The following EPHA10 variants were observed in gnomAD, a reference collection of about 807,000 sequenced individuals.
EPHA10 encodes ephrin type-A receptor 10.
A neutral mutation model predicts 109.7 loss-of-function variants in EPHA10; 120 were observed. The observed-to-expected ratio is 1.09, with a 90% CI of 0.94 to 1.27. The LOEUF (loss-of-function observed/expected upper bound fraction) is 1.27. Ranked by LOEUF, EPHA10 falls within the 50% of genes most tolerant of loss-of-function variation. EPHA10 has a pLI of 0.00. For synonymous variants in EPHA10, 640 were observed against 618.9 expected (o/e 1.03, Z -0.51); for missense variants, 1,396 against 1,411.1 (o/e 0.99, Z 0.17).
Position 37,730,880 on chromosome 1 carries a change from A to AG in EPHA10, c.1663+530dup, listed in dbSNP as rs1031441762. On this transcript the variant is annotated intron_variant, in intron 7 of 16. Coordinates refer to ENST00000373048, the MANE Select transcript of EPHA10 (RefSeq NM_001099439.2). ...CTGATTTTTGTATTTTTAGTAGAGA[A>AG]GGAGTTTCACCATGTTGGCCAGGCT... 8.0e-4 allele frequency among the ~76,000 whole-genome samples: 122 copies of AG among 151,872 alleles called. 1 individual carries two copies. Among genetic ancestry groups the AG allele is most frequent in the African/African-American group, 2.8e-3 (116 of 41,426 alleles).
intron 7 of EPHA10, among the ~76,000 whole-genome samples, chr1:37,729,922 A>C (rs909306430): frequency 4.0e-5 from 6 of 151,730 alleles, no homozygotes; most frequent in African/African-American, 1.5e-4. Context: ...GGGAAACCAC[A>C]CTCTGCAGAT....
rs925637672 is a variant in EPHA10, at chr1:37,740,367, G to A, written c.1358-4977C>T. 5.3e-5 allele frequency among the ~76,000 whole-genome samples: 8 copies of A among 152,078 alleles called. No homozygotes were observed. The East Asian group carries it at 9.7e-4, about 18-fold the overall frequency. On this transcript the variant is annotated intron_variant, in intron 5 of 16. Transcript: ENST00000373048. ...GTCACCCAGGCTGGAGAGCAGGGGC[G>A]GGATCTCGGCTCACTGCAAGCTCCA...
intron 6 of EPHA10, among the ~76,000 whole-genome samples, chr1:37,731,820 C>T (rs1212193294): frequency 6.6e-6 from 1 of 152,250 alleles, no homozygotes; most frequent in African/African-American, 2.4e-5. Flanking sequence ...GAGAATAGCA[C>T]CACCTCTGCA....
Position 37,754,278 on chromosome 1 carries a change from A to G in EPHA10, c.943T>C (p.Phe315Leu). 1 of 1,318,734 alleles carries G rather than the reference A, an allele frequency of 7.6e-7. No homozygotes were observed. The highest frequency in any genetic ancestry group is 9.7e-7 in the Non-Finnish European group (1 of 1,028,282). The allele number at this position is 1,318,734 out of a possible 1,614,324, so 81.7% of individuals were successfully genotyped here. A position where few individuals can be genotyped will look rare whatever the true frequency, so the allele number is the denominator to read the frequency against. The change falls in exon 4 of 17, where the codon TTC becomes CTC. Residue 315 changes from phenylalanine to leucine, a missense_variant. Phe to Leu is a conservative substitution (Grantham distance 22). Transcript: ENST00000373048. The surrounding 1 kb of genome is among the most constrained non-coding windows in gnomAD (Gnocchi z 4.5). ...GCATAGCTGTCCTGGCACACGCAGA[A>G]GGTGGAGGCGTTTTCCAGGGCCCGG... ...HSRALENAST[F>L]CVCQDSYARS...
intron 3 of EPHA10, among the ~76,000 whole-genome samples, chr1:37,759,485 T>G (rs1229188283): frequency 2.6e-5 from 4 of 152,228 alleles, no homozygotes. Context: ...CTCCCTTCCA[T>G]GCTTCCTTAG....
At chr1:37,756,226 G>A (rs1001229353) in intron 3 of EPHA10, among the ~76,000 whole-genome samples, 2 of 152,094 alleles carry the variant, frequency 1.3e-5, no homozygotes, top group African/African-American at 4.8e-5. Flanking sequence ...GTGCCTCTCT[G>A]GCCTCAAAAA....
In EPHA10 at chr1:37,765,085, T is replaced by C; in HGVS notation, c.-19A>G. On this transcript the variant is annotated 5_prime_UTR_variant, in exon 1 of 17. Coordinates refer to ENST00000373048, the MANE Select transcript of EPHA10 (RefSeq NM_001099439.2). ...TCTCCATGGTCCGCAGACCGAGCTG[T>C]CAGTCCGGCGGCGGCTCAAGCCGCG... 6.4e-7 allele frequency: 1 copy of C among 1,573,302 alleles called. No homozygotes were observed. The highest frequency in any genetic ancestry group is 8.6e-7 in the Non-Finnish European group (1 of 1,163,818).
In EPHA10 at chr1:37,735,406, G is replaced by A. The variant is rs1646053353; in HGVS notation, c.1358-16C>T. On this transcript the variant is annotated splice_polypyrimidine_tract_variant and intron_variant, in intron 5 of 16. Transcript: ENST00000373048. ...TCCCAGGGCGCTGAAAGTAAGTTAC[G>A]TGGGATTCTCCACCTTGACCCACCT... 5 of 1,577,496 alleles carry A rather than the reference G, an allele frequency of 3.2e-6. No homozygotes were observed. Among genetic ancestry groups the A allele is most frequent in the Non-Finnish European group, 4.3e-6 (5 of 1,161,556 alleles).
intron 6 of EPHA10, 49 bp downstream of exon 6, chr1:37,735,208 C>T (rs923834836): frequency 2.6e-6 from 4 of 1,553,474 alleles, no homozygotes; most frequent in East Asian, 4.9e-5. Flanking sequence ...AGAAGCCCTG[C>T]GGGACAGGTG....
chr1:37,728,158 G>A (rs1645924846), intron 7 of EPHA10, among the ~76,000 whole-genome samples: 2 of 152,206 alleles, frequency 1.3e-5, no homozygotes, highest in Admixed American at 6.5e-5. Flanking sequence ...TGCACACACT[G>A]GGTCTGAAAA....
At chr1:37,719,628 G>A (rs748392542) in intron 14 of EPHA10, 21 bp from the exon 15 acceptor site, 10 of 1,611,466 alleles carry the variant, frequency 6.2e-6, no homozygotes, top group Non-Finnish European at 8.5e-6. Flanking sequence ...GGGGTGGGGA[G>A]CAGAGAGGAG....
intron 5 of EPHA10, among the ~76,000 whole-genome samples, chr1:37,736,476 CAAAAAAAAAA>C (rs543417433): frequency 1.4e-4 from 8 of 57,840 alleles, no homozygotes; most frequent in African/African-American, 3.8e-4. Flanking sequence ...AATTCTGTCT[CAAAAAAAAAA>C]AAAAAAAAAA....
rs561131084 is a variant in EPHA10 at position 37,735,031 on chromosome 1, G to A, written c.1491+226C>T. On this transcript the variant is annotated intron_variant, in intron 6 of 16. Transcript: ENST00000373048. ...GTCAACCGAAACACTAGGTGACATG[G>A]GGACAATGGAGATGGTTGGTGTTGG... Among the ~76,000 whole-genome samples, 4 of 152,302 alleles carry A rather than the reference G, an allele frequency of 2.6e-5. No homozygotes were observed. In the East Asian group the frequency reaches 7.7e-4, roughly 29 times the overall value.
intron 5 of EPHA10, among the ~76,000 whole-genome samples, chr1:37,750,604 T>C (rs1033217206): frequency 6.6e-6 from 1 of 151,078 alleles, no homozygotes; most frequent in Non-Finnish European, 1.5e-5. Flanking sequence ...TTAAGAGACA[T>C]AGTCTGGCTC....
At chr1:37,743,840 G>A (rs899211677) in intron 5 of EPHA10, among the ~76,000 whole-genome samples, 2 of 152,106 alleles carry the variant, frequency 1.3e-5, no homozygotes, top group African/African-American at 4.8e-5. Flanking sequence ...CTTATAATAA[G>A]CCCAATGGGA....
In EPHA10 at chr1:37,723,211, T is replaced by C. The variant is rs765845380; in HGVS notation, c.1835-45A>G. 1.1e-5 allele frequency: 18 copies of C among 1,605,952 alleles called. No individual in the cohort carries two copies. In the East Asian group the frequency reaches 2.2e-4, roughly 20 times the overall value. Reference sequence around the variant, plus strand: ...GCCTGAGGAATGGGGCCTCCACCACTGGGGCTGACAAGCGGGCTCATGCAG... The same window carrying C: ...GCCTGAGGAATGGGGCCTCCACCACCGGGGCTGACAAGCGGGCTCATGCAG... On this transcript the variant is annotated intron_variant, in intron 9 of 16. Transcript: ENST00000373048.
chr1:37,719,731 GACAC>G, intron 14 of EPHA10, 124 bp from the exon 15 acceptor site: 29 of 1,341,214 alleles, frequency 2.2e-5, no homozygotes, highest in South Asian at 2.6e-5. Flanking sequence ...CACAGACACA[GACAC>G]ACACACACAC....
intron 5 of EPHA10, among the ~76,000 whole-genome samples, chr1:37,741,061 C>A (rs1388476764): frequency 1.3e-5 from 2 of 152,138 alleles, no homozygotes; most frequent in Admixed American, 6.5e-5. Context: ...AGGTTCCCTC[C>A]TGACTTTTCC....
chr1:37,735,880 T>G (rs1272394500), intron 5 of EPHA10, among the ~76,000 whole-genome samples: 1 of 152,154 alleles, frequency 6.6e-6, no homozygotes, highest in Non-Finnish European at 1.5e-5. Flanking sequence ...ATGAAAAGCC[T>G]ACAGTGAGCA....
Sources: gnomAD v4.1 joint callset for allele counts (sites outside exome capture counted in the v4.1 genomes callset) on GRCh38, gnomAD v4.1.1 for gene constraint, Gnocchi (gnomAD v3.1) non-coding constraint, MANE v1.5 for transcripts, NCBI Gene and HGNC (gene_info 2026-07-23, HGNC 2026-07-21) for gene names.